The following NECAP2 variants were observed in gnomAD, a reference collection of about 807,000 sequenced individuals.
The protein encoded by NECAP2 is NECAP endocytosis associated 2, also known as adaptin ear-binding coat-associated protein 2.
Under a neutral mutation model 37.8 loss-of-function variants are expected in NECAP2, and 38 were observed. The ratio of observed to expected loss-of-function variants is 1.01; its 90% confidence interval spans 0.78 to 1.32. The LOEUF (loss-of-function observed/expected upper bound fraction) is 1.32, where lower values mean the gene tolerates loss of function less well. Among genes scored for constraint, NECAP2 ranks in the 40% most tolerant of loss-of-function variants. NECAP2 has a pLI of 0.00. For synonymous variants in NECAP2, 121 were observed against 127.7 expected, an observed-to-expected ratio of 0.95 and a Z score of 0.35; for missense variants, 316 against 334.5, an observed-to-expected ratio of 0.94 and a Z score of 0.43.
At chr1:16,448,833 G>A (rs1348611953) in intron 4 of NECAP2, among the ~76,000 whole-genome samples, 2 of 152,102 alleles carry the variant, frequency 1.3e-5, no homozygotes, top group South Asian at 2.1e-4. Context: ...AAGTGATCTC[G>A]CTGCATTCGT....
At chr1:16,445,315 G>C (rs1405647045) in intron 2 of NECAP2, among the ~76,000 whole-genome samples, 1 of 152,196 alleles carries the variant, frequency 6.6e-6, no homozygotes, top group African/African-American at 2.4e-5. Flanking sequence ...TTGACACCTG[G>C]GGCCAGATGA....
rs746267679 is a variant in NECAP2, at chr1:16,451,912, T to C, written c.564T>C (p.Leu188=). ...RPASTGGLSL[L]PPPPGGKTST... ...CCAGCACAGGAGGGCTGAGCCTGCT[T>C]CCCCCTCCCCCAGGGGGGAAAACCT... Residue 188 remains leucine (L), a synonymous_variant, in exon 6 of 8, where the codon CTT becomes CTC. Coordinates refer to ENST00000337132, the MANE Select transcript of NECAP2 (RefSeq NM_018090.5). 1 of 1,613,700 alleles carries C rather than the reference T, an allele frequency of 6.2e-7. No homozygotes were observed. Among genetic ancestry groups the C allele is most frequent in the Non-Finnish European group, 8.5e-7 (1 of 1,179,814 alleles).
chr1:16,458,109 T>C (rs1302356357), intron 7 of NECAP2, among the ~76,000 whole-genome samples: 1 of 152,230 alleles, frequency 6.6e-6, no homozygotes, highest in African/African-American at 2.4e-5. Flanking sequence ...GTTTTTAGCC[T>C]AAGATTCATT....
chr1:16,454,069 A>G (rs369131381), intron 6 of NECAP2, among the ~76,000 whole-genome samples: 8 of 152,016 alleles, frequency 5.3e-5, no homozygotes, highest in Admixed American at 4.6e-4. Flanking sequence ...TTTATTTTTT[A>G]TTTTTGAGAT....
Position 16,457,485 on chromosome 1 carries a change from C to T in NECAP2, c.744-1357C>T, listed in dbSNP as rs150057886. ...AATAAACAAACAAAAAAAACAGAGGCGTGAAATGAGGACTGTAACCCTTTT... is the reference window on the plus strand; with the variant it reads ...AATAAACAAACAAAAAAAACAGAGGTGTGAAATGAGGACTGTAACCCTTTT... On this transcript the variant is annotated intron_variant, in intron 7 of 7. Coordinates refer to ENST00000337132, the MANE Select transcript of NECAP2 (RefSeq NM_018090.5). Among the ~76,000 whole-genome samples the T allele has an allele frequency of 8.7e-4, 132 of 152,150 alleles. 1 individual carries two copies. The highest frequency in any genetic ancestry group is 2.8e-3 in the African/African-American group (118 of 41,510).
intron 7 of NECAP2, among the ~76,000 whole-genome samples, chr1:16,457,362 C>T (rs139367697): frequency 0.017 from 2,600 of 152,124 alleles, 79 homozygotes; most frequent in African/African-American, 0.06. Flanking sequence ...GAGGCTGAGG[C>T]ACGAGAATTG....
chr1:16,458,741 G>C (rs1343390248), intron 7 of NECAP2, 101 bp from the exon 8 acceptor site: 3 of 1,221,026 alleles, frequency 2.5e-6, no homozygotes, highest in Non-Finnish European at 3.5e-6. Context: ...TTAGGAACTG[G>C]CTTCTTAGAG....
At chr1:16,441,101 C>T in intron 1 of NECAP2, 1 of 521,544 alleles carries the variant, frequency 1.9e-6, no homozygotes, top group Non-Finnish European at 3.4e-6. Context: ...TTAGGGACCC[C>T]GGTGGGCTGC....
At chr1:16,441,134 G>A (rs745918498) in intron 1 of NECAP2, 2 of 466,850 alleles carry the variant, frequency 4.3e-6, no homozygotes, top group Non-Finnish European at 7.8e-6. Context: ...ACTTGGTCGG[G>A]GGTGGTGATG....
chr1:16,443,558 C>T, intron 1 of NECAP2, 74 bp from the exon 2 acceptor site: 2 of 1,140,388 alleles, frequency 1.8e-6, no homozygotes, highest in Admixed American at 2.0e-5. Context: ...GAATAAGCAG[C>T]CCTTTCCATT....
rs1270641259 is a variant in NECAP2 at position 16,449,099 on chromosome 1, G to A, written c.387G>A (p.Val129=). The A allele has an allele frequency of 1.9e-6, 3 of 1,611,772 alleles. No homozygotes were observed. Among genetic ancestry groups the A allele is most frequent in the Non-Finnish European group, 2.5e-6 (3 of 1,178,764 alleles). ...NVALQDHFKW[V]KQQCEFAKQA... is the part of the protein sequence containing the mutation. ...CCTCATGTTCTCTCCCCAGGTGGGTGAAACAGCAGTGTGAATTTGCAAAAC... is the reference window on the plus strand; with the variant it reads ...CCTCATGTTCTCTCCCCAGGTGGGTAAAACAGCAGTGTGAATTTGCAAAAC... Residue 129 remains valine (V), a synonymous_variant, in exon 5 of 8, where the codon GTG becomes GTA. Coordinates refer to ENST00000337132, the MANE Select transcript of NECAP2 (RefSeq NM_018090.5).
At chr1:16,456,221 T>TA (rs1352879832) in intron 7 of NECAP2, among the ~76,000 whole-genome samples, 1 of 151,916 alleles carries the variant, frequency 6.6e-6, no homozygotes, top group Non-Finnish European at 1.5e-5. Flanking sequence ...GATGGGGTTT[T>TA]ACCATGTTCG....
At chr1:16,447,764 C>G in intron 2 of NECAP2, 106 bp from the exon 3 acceptor site, 1 of 849,026 alleles carries the variant, frequency 1.2e-6, no homozygotes. Flanking sequence ...CGATCTGTCT[C>G]AGCTGGTTAG....
intron 6 of NECAP2, among the ~76,000 whole-genome samples, chr1:16,452,484 G>A (rs1010848535): frequency 1.3e-5 from 2 of 152,192 alleles, no homozygotes; most frequent in Non-Finnish European, 2.9e-5. Flanking sequence ...TAGAGTGGGA[G>A]TGGTTGGCAT....
chr1:16,453,961 A>T (rs1201165009), intron 6 of NECAP2, among the ~76,000 whole-genome samples: 1 of 152,232 alleles, frequency 6.6e-6, no homozygotes, highest in Non-Finnish European at 1.5e-5. Flanking sequence ...TCAGATAATA[A>T]GTCATGAATA....
intron 1 of NECAP2, 36 bp from the exon 2 acceptor site, chr1:16,443,596 C>A (rs949431490): frequency 6.6e-7 from 1 of 1,506,370 alleles, no homozygotes; most frequent in Non-Finnish European, 9.2e-7. Context: ...ACAGCAGGAG[C>A]CTCTGGCAGA....
chr1:16,441,113 G>A, intron 1 of NECAP2: 1 of 514,246 alleles, frequency 1.9e-6, no homozygotes, highest in Non-Finnish European at 3.5e-6. Context: ...GTGGGCTGCC[G>A]GGTACCCTAA....
At chr1:16,452,456 G>C (rs893715432) in intron 6 of NECAP2, among the ~76,000 whole-genome samples, 1 of 152,136 alleles carries the variant, frequency 6.6e-6, no homozygotes, top group Non-Finnish European at 1.5e-5. Flanking sequence ...CATTGATCTG[G>C]ACCTTGAAGG....
intron 2 of NECAP2, among the ~76,000 whole-genome samples, chr1:16,445,006 A>G (rs2100946530): frequency 6.6e-6 from 1 of 152,102 alleles, no homozygotes; most frequent in Non-Finnish European, 1.5e-5. Context: ...TTGTACTTTT[A>G]GTAGAGACGG....
Sources: gnomAD v4.1 joint callset for allele counts (sites outside exome capture counted in the v4.1 genomes callset) on GRCh38, gnomAD v4.1.1 for gene constraint, MANE v1.5 for transcripts, NCBI Gene and HGNC (gene_info 2026-07-23, HGNC 2026-07-21) for gene names.